Variants in GALNT13 observed in about 807,000 individuals in gnomAD.
GALNT13 encodes the protein polypeptide N-acetylgalactosaminyltransferase 13.
GALNT13 carries 28 observed loss-of-function variants against 64.2 expected under a neutral mutation model. The ratio of observed to expected loss-of-function variants is 0.44; its 90% CI spans 0.32 to 0.60. The LOEUF (loss-of-function observed/expected upper bound fraction) is 0.60, where lower values mean the gene tolerates loss of function less well. Among genes scored for constraint, GALNT13 ranks in the 20% least tolerant of loss-of-function variants. The probability of loss-of-function intolerance (pLI) is 0.05; values close to 1 mark genes in which losing one functional copy is unlikely to be tolerated. For missense variants in GALNT13, 577 were observed against 669.8 expected (o/e 0.86, Z 1.53); for synonymous variants, 214 against 224.6 (o/e 0.95, Z 0.42).
chr2:153,855,021 A>G, the GALNT13 span, among the ~76,000 whole-genome samples: 1 of 152,224 alleles, frequency 6.6e-6, no homozygotes, highest in Admixed American at 6.5e-5. Context: ...GCCTACATGT[A>G]TATAAATGAT....
chr2:154,361,548 G>A (rs1460570047), intron 9 of GALNT13, among the ~76,000 whole-genome samples: 5 of 151,934 alleles, frequency 3.3e-5, no homozygotes, highest in Non-Finnish European at 1.5e-5. Context: ...GTAATACAGT[G>A]CATTCTCTAA....
At chr2:153,187,890 A>G in the GALNT13 span, among the ~76,000 whole-genome samples, 4 of 152,252 alleles carry the variant, frequency 2.6e-5, no homozygotes, top group Admixed American at 2.6e-4. Flanking sequence ...AGTCATCATT[A>G]CCAAGTAGGA....
chr2:153,261,222 T>C, the GALNT13 span, among the ~76,000 whole-genome samples: 1 of 152,188 alleles, frequency 6.6e-6, no homozygotes, highest in African/African-American at 2.4e-5. Flanking sequence ...ATTTAATTCA[T>C]TGGGTGAGAT....
chr2:154,113,107 T>G (rs867628208), intron 3 of GALNT13, among the ~76,000 whole-genome samples: 1 of 152,164 alleles, frequency 6.6e-6, no homozygotes, highest in African/African-American at 2.4e-5. Flanking sequence ...ACATTCAGTT[T>G]CCACCAAAGC....
the GALNT13 span, among the ~76,000 whole-genome samples, chr2:153,770,111 T>C: frequency 6.6e-6 from 1 of 152,224 alleles, no homozygotes; most frequent in Non-Finnish European, 1.5e-5. Context: ...GTTAATGTAG[T>C]GCCTTGAAGG....
chr2:153,256,428 C>A, the GALNT13 span, among the ~76,000 whole-genome samples: 2 of 152,138 alleles, frequency 1.3e-5, no homozygotes, highest in Non-Finnish European at 2.9e-5. Flanking sequence ...TCCCGTAGCT[C>A]GGAGTAATTT....
chr2:153,569,497 T>C, the GALNT13 span, among the ~76,000 whole-genome samples: 18 of 148,668 alleles, frequency 1.2e-4, no homozygotes, highest in Non-Finnish European at 3.0e-5. Flanking sequence ...TCTCCAACTA[T>C]CTGGGTTTCC....
chr2:154,050,833 T>C (rs374344015), intron 3 of GALNT13, among the ~76,000 whole-genome samples: 10 of 152,328 alleles, frequency 6.6e-5, no homozygotes, highest in East Asian at 1.9e-4. Flanking sequence ...TCAGGCATAC[T>C]GTATGTGGTC....
At chr2:154,212,149 G>GGAGA (rs1687807739) in intron 4 of GALNT13, among the ~76,000 whole-genome samples, 1 of 152,152 alleles carries the variant, frequency 6.6e-6, no homozygotes, top group African/African-American at 2.4e-5. Flanking sequence ...GACAGGAAGT[G>GGAGA]TAGGCAACTT....
At chr2:153,705,994 A>G in the GALNT13 span, among the ~76,000 whole-genome samples, 1 of 152,014 alleles carries the variant, frequency 6.6e-6, no homozygotes, top group African/African-American at 2.4e-5. Context: ...AGGACTATAT[A>G]TATATATATT....
At chr2:153,703,759 A>G in the GALNT13 span, among the ~76,000 whole-genome samples, 1 of 152,142 alleles carries the variant, frequency 6.6e-6, no homozygotes, top group Admixed American at 6.6e-5. Flanking sequence ...CCTTTTTTTA[A>G]CATGTATTGG....
the GALNT13 span, among the ~76,000 whole-genome samples, chr2:153,261,577 G>A: frequency 2.5e-4 from 38 of 152,212 alleles, no homozygotes; most frequent in Admixed American, 5.9e-4. Context: ...TGGGGGAGAG[G>A]TGACATAAGC....
the GALNT13 span, among the ~76,000 whole-genome samples, chr2:153,486,657 A>G: frequency 9.2e-5 from 14 of 152,326 alleles, no homozygotes; most frequent in East Asian, 1.9e-4. Flanking sequence ...GAAAGCATGT[A>G]ATAACTCACC....
chr2:154,019,435 C>G (rs1394930249), intron 3 of GALNT13, among the ~76,000 whole-genome samples: 1 of 152,006 alleles, frequency 6.6e-6, no homozygotes, highest in Non-Finnish European at 1.5e-5. Flanking sequence ...GAGATCAAGA[C>G]CATCCTGGCC....
At chr2:153,101,753 C>T in the GALNT13 span, among the ~76,000 whole-genome samples, 2 of 152,208 alleles carry the variant, frequency 1.3e-5, no homozygotes, top group Non-Finnish European at 2.9e-5. Context: ...AATTTAATAG[C>T]TTCATCTAGA....
At chr2:153,721,565 C>A in the GALNT13 span, among the ~76,000 whole-genome samples, 2 of 149,012 alleles carry the variant, frequency 1.3e-5, no homozygotes, top group African/African-American at 5.1e-5. Flanking sequence ...TCAGGAAACC[C>A]ATCTCACGTG....
chr2:153,965,746 G>T (rs1420399989), intron 3 of GALNT13, among the ~76,000 whole-genome samples: 1 of 149,234 alleles, frequency 6.7e-6, no homozygotes, highest in Non-Finnish European at 1.5e-5. Flanking sequence ...TATAATCAAT[G>T]ATTTTAAAGC....
chr2:153,650,599 G>T, the GALNT13 span, among the ~76,000 whole-genome samples: 1 of 152,152 alleles, frequency 6.6e-6, no homozygotes, highest in Non-Finnish European at 1.5e-5. Flanking sequence ...GCAGTGGCTG[G>T]TACAGGTTGT....
chr2:154,164,358 A>G (rs968328785), intron 4 of GALNT13, among the ~76,000 whole-genome samples: 4 of 152,110 alleles, frequency 2.6e-5, no homozygotes, highest in Admixed American at 1.3e-4. Flanking sequence ...ATAGCATTCT[A>G]TTTCTGTGTA....
Sources: allele counts gnomAD v4.1 joint callset (sites outside exome capture counted in the v4.1 genomes callset), GRCh38; gene constraint gnomAD v4.1.1; transcripts MANE v1.5; gene names NCBI Gene and HGNC (gene_info 2026-07-23, HGNC 2026-07-21).